Variants in CUL2 observed in about 807,000 individuals in gnomAD.
CUL2 encodes cullin-2.
In CUL2, 22 loss-of-function variants were observed where a neutral mutation model predicts 110.2. The observed-to-expected ratio is 0.20, with a 90% CI of 0.14 to 0.28. The LOEUF (loss-of-function observed/expected upper bound fraction) is 0.28, where lower values mean the gene tolerates loss of function less well. Ranked by LOEUF, CUL2 falls within the 10% of genes least tolerant of loss-of-function variation. The probability of loss-of-function intolerance (pLI) is 1.00; values close to 1 mark genes in which losing one functional copy is unlikely to be tolerated. For missense variants in CUL2, 631 were observed against 905.5 expected, an observed-to-expected ratio of 0.70 and a Z score of 3.89; for synonymous variants, 279 against 293.2, an observed-to-expected ratio of 0.95 and a Z score of 0.49.
chr10:35,083,459 C>T (rs1337149677), intron 1 of CUL2, among the ~76,000 whole-genome samples: 1 of 152,132 alleles, frequency 6.6e-6, no homozygotes, highest in African/African-American at 2.4e-5. Flanking sequence ...ACACATAGAA[C>T]TTAGATCTTG....
intron 2 of CUL2, among the ~76,000 whole-genome samples, chr10:35,098,472 G>A (rs937887482): frequency 2.0e-5 from 3 of 151,884 alleles, no homozygotes; most frequent in African/African-American, 7.3e-5. Flanking sequence ...TGTAATACCA[G>A]CACTTTAGGA....
chr10:35,109,551 T>G (rs1489582438), intron 1 of CUL2, among the ~76,000 whole-genome samples: 2 of 152,208 alleles, frequency 1.3e-5, no homozygotes, highest in Non-Finnish European at 2.9e-5. Flanking sequence ...GGATACTACA[T>G]TAGCTAAGGC....
chr10:35,108,788 T>C (rs2087494857), intron 1 of CUL2, among the ~76,000 whole-genome samples: 3 of 152,182 alleles, frequency 2.0e-5, no homozygotes. Flanking sequence ...CCCACTTACA[T>C]TACTGTTGGC....
intron 5 of CUL2, among the ~76,000 whole-genome samples, chr10:35,053,876 G>A (rs1307964086): frequency 6.6e-6 from 1 of 152,020 alleles, no homozygotes; most frequent in African/African-American, 2.4e-5. Context: ...GTTCACCATT[G>A]TATCCCCAAT....
At chr10:35,053,070 G>A (rs544174542) in intron 5 of CUL2, among the ~76,000 whole-genome samples, 9 of 151,960 alleles carry the variant, frequency 5.9e-5, no homozygotes, top group African/African-American at 2.2e-4. Context: ...CCGTTTTATC[G>A]CAGTTTGAAA....
intron 4 of CUL2, 70 bp from the exon 5 acceptor site, chr10:35,054,609 T>A: frequency 1.3e-6 from 1 of 746,992 alleles, no homozygotes; most frequent in Non-Finnish European, 2.2e-6. Context: ...CTTGCAACTT[T>A]AGAAGAATAT....
At chr10:35,082,606 A>C (rs893427361) in intron 1 of CUL2, among the ~76,000 whole-genome samples, 1 of 152,222 alleles carries the variant, frequency 6.6e-6, no homozygotes, top group African/African-American at 2.4e-5. Flanking sequence ...GATCACAGGT[A>C]CAAAGTTCTG....
At chr10:35,078,262 TA>T (rs1241164056) in intron 1 of CUL2, among the ~76,000 whole-genome samples, 1 of 151,332 alleles carries the variant, frequency 6.6e-6, no homozygotes, top group African/African-American at 2.4e-5. Flanking sequence ...ATAGCAGAAA[TA>T]AAAAATATAT....
intron 1 of CUL2, among the ~76,000 whole-genome samples, chr10:35,078,550 C>G (rs573285671): frequency 1.3e-5 from 2 of 152,222 alleles, no homozygotes; most frequent in Admixed American, 1.3e-4. Context: ...ATCCCCCTGC[C>G]TCAACCTCCC....
intron 2 of CUL2, among the ~76,000 whole-genome samples, chr10:35,065,182 GA>G (rs2086485591): frequency 6.6e-6 from 1 of 152,058 alleles, no homozygotes; most frequent in Non-Finnish European, 1.5e-5. Flanking sequence ...GAACACCTAC[GA>G]AAATGAGATT....
intron 1 of CUL2, among the ~76,000 whole-genome samples, chr10:35,088,184 C>T (rs2087107834): frequency 6.6e-6 from 1 of 152,084 alleles, no homozygotes; most frequent in African/African-American, 2.4e-5. Flanking sequence ...CTCTCCATCC[C>T]AAGCCAGAAG....
At position 35,103,926 on chromosome 10, in the gene CUL2, TA is replaced by T. The variant is rs1201427292; in HGVS notation, c.-50-2867del. Among the ~76,000 whole-genome samples, 1,424 of 143,888 alleles carry T rather than the reference TA, an allele frequency of 9.9e-3. 20 individuals carry two copies. Among genetic ancestry groups the T allele is most frequent in the African/African-American group, 0.029 (1,164 of 39,462 alleles). 94.4% of individuals were successfully genotyped at this position (143,888 alleles called of 152,430 possible). A position where few individuals can be genotyped will look rare whatever the true frequency, so the allele number is the denominator to read the frequency against. On this transcript the variant is annotated intron_variant, in intron 1 of 5. Coordinates refer to the CUL2 transcript ENST00000685421. ...GATCTTGGAATTGAGGGGATCCACT[TA>T]AAAAAAAAAAAGAATGTAAAAATGC...
chr10:35,068,929 C>T (rs2086610034), intron 2 of CUL2, among the ~76,000 whole-genome samples: 1 of 151,994 alleles, frequency 6.6e-6, no homozygotes, highest in African/African-American at 2.4e-5. Context: ...GTGCAATGGC[C>T]CGATCTTGGC....
intron 1 of CUL2, among the ~76,000 whole-genome samples, chr10:35,111,278 G>A (rs1299485997): frequency 2.0e-5 from 3 of 151,266 alleles, no homozygotes; most frequent in East Asian, 1.9e-4. Flanking sequence ...TTTGATTCGG[G>A]TTCTGGTTCT....
chr10:35,031,757 T>C lies in CUL2; in HGVS notation c.1171-138A>G, dbSNP rs1482940057. The C allele has an allele frequency of 1.2e-6, 1 of 822,196 alleles. No homozygotes were observed. The highest frequency in any genetic ancestry group is 2.6e-5 in the East Asian group (1 of 37,918). 50.9% of individuals were successfully genotyped at this position (822,196 alleles called of 1,614,324 possible). A position where few individuals can be genotyped will look rare whatever the true frequency, so the allele number is the denominator to read the frequency against. On this transcript the variant is annotated intron_variant, in intron 12 of 20. Coordinates refer to ENST00000374749, the MANE Select transcript of CUL2 (RefSeq NM_003591.4). This position sits in a 1 kb window ranked among gnomAD's most constrained non-coding sequence, Gnocchi z 4.4. ...TTTTTTTAGAGACCGGGTCTTGCTC[T>C]GTTGCCAGGCTGGATTGCAGTGGAC...
At chr10:35,060,229 C>T (rs1310154000) in intron 4 of CUL2, among the ~76,000 whole-genome samples, 1 of 151,684 alleles carries the variant, frequency 6.6e-6, no homozygotes, top group Non-Finnish European at 1.5e-5. Context: ...GATCATGCAA[C>T]TACACTGCAG....
chr10:35,031,746 G>C lies in CUL2; in HGVS notation c.1171-127C>G. ...ATTTTTGCTGTTTTTTTTAGAGACC[G>C]GGTCTTGCTCTGTTGCCAGGCTGGA... On this transcript the variant is annotated intron_variant, in intron 12 of 20. Transcript: ENST00000374749. This position sits in a 1 kb window ranked among gnomAD's most constrained non-coding sequence, Gnocchi z 4.4. 2.1e-6 allele frequency: 2 copies of C among 943,288 alleles called. No individual in the cohort carries two copies. The highest frequency in any genetic ancestry group is 3.2e-6 in the Non-Finnish European group (2 of 626,892). 58.4% of individuals were successfully genotyped at this position (943,288 alleles called of 1,614,324 possible).
intron 1 of CUL2, among the ~76,000 whole-genome samples, chr10:35,110,423 G>A (rs189782621): frequency 2.0e-5 from 3 of 152,164 alleles, no homozygotes; most frequent in Admixed American, 1.3e-4. Context: ...AAATTAGCTG[G>A]GTGTGGTGGT....
chr10:35,073,181 C>A (rs1354074550), intron 1 of CUL2, among the ~76,000 whole-genome samples: 1 of 152,176 alleles, frequency 6.6e-6, no homozygotes, highest in Non-Finnish European at 1.5e-5. Context: ...CCTCAACATT[C>A]CAAAGCCTCC....
Sources: allele counts gnomAD v4.1 joint callset (sites outside exome capture counted in the v4.1 genomes callset), GRCh38; gene constraint gnomAD v4.1.1; non-coding constraint Gnocchi (gnomAD v3.1); transcripts MANE v1.5; gene names NCBI Gene and HGNC (gene_info 2026-07-23, HGNC 2026-07-21).